Variants in CUL7 observed in about 807,000 individuals in gnomAD.
The protein encoded by CUL7 is cullin-7.
CUL7 carries 96 observed loss-of-function variants against 177.7 expected under a neutral mutation model. The ratio of observed to expected loss-of-function variants is 0.54; its 90% confidence interval spans 0.46 to 0.64. The LOEUF is 0.64. Among genes scored for constraint, CUL7 ranks in the 30% least tolerant of loss-of-function variants. CUL7 has a pLI of 0.00. For missense variants in CUL7, 1,893 were observed against 2,187.9 expected, an observed-to-expected ratio of 0.87 and a Z score of 2.69; for synonymous variants, 824 against 890.2, an observed-to-expected ratio of 0.93 and a Z score of 1.32.
intron 6 of CUL7, 96 bp from the exon 7 acceptor site, chr6:43,049,758 C>A (rs913988160): frequency 1.3e-6 from 2 of 1,521,316 alleles, no homozygotes; most frequent in South Asian, 1.2e-5. Context: ...TGCACACATA[C>A]CCTCCATCCT....
Position 43,046,293 on chromosome 6 carries a change from T to A in CUL7, c.2603A>T (p.Asn868Ile). 6.2e-7 allele frequency: 1 copy of A among 1,614,198 alleles called. No homozygotes were observed. The highest frequency in any genetic ancestry group is 8.5e-7 in the Non-Finnish European group (1 of 1,180,036). ...GATGTAGTGGGAGCCGGCGCTGCCG[T>A]TGGACTCCCAATAGGTCTTGGGGTT... Reference protein sequence around the residue: ...DHNPKTYWESNGSAGSHYITL... With the variant: ...DHNPKTYWESIGSAGSHYITL... The change falls in exon 12 of 26, where the codon AAC becomes ATC. Residue 868 changes from asparagine to isoleucine, a missense_variant. By Grantham distance (149) the Asn-to-Ile change is moderately radical (BLOSUM62 -3). Transcript: ENST00000265348.
At chr6:43,049,749 G>T in intron 6 of CUL7, 87 bp from the exon 7 acceptor site, 1 of 1,539,324 alleles carries the variant, frequency 6.5e-7, no homozygotes. Flanking sequence ...GGGTCTCTCT[G>T]CACACATACC....
At chr6:43,041,926 C>T (rs529493432) in intron 19 of CUL7, among the ~76,000 whole-genome samples, 5 of 149,672 alleles carry the variant, frequency 3.3e-5, no homozygotes, top group African/African-American at 9.8e-5. Flanking sequence ...ATCGCTTGAA[C>T]CTGGGAGGCG....
chr6:43,042,932 T>C lies in CUL7; in HGVS notation c.3515A>G (p.Tyr1172Cys), dbSNP rs776754610. The C allele has an allele frequency of 1.9e-6, 3 of 1,614,144 alleles. No individual in the cohort carries two copies. The highest frequency in any genetic ancestry group is 1.7e-5 in the Admixed American group (1 of 60,028). ...CTGCAGAATATTAAAGTGCTCACAG[T>C]AGCGTGGCACAAAGTCATCATCCCG... Reference protein sequence around the residue: ...SWRDDDFVPRYCEHFNILQNS... With the variant: ...SWRDDDFVPRCCEHFNILQNS... Residue 1172 changes from tyrosine to cysteine, a missense_variant, in exon 19 of 26, where the codon TAC becomes TGC. Around this residue, in one of 5 missense-constraint regions of CUL7, gnomAD observed 973 missense variants for 1,140.9 expected, o/e 0.85. Transcript: ENST00000265348.
In CUL7 at chr6:43,043,280, G is replaced by T; in HGVS notation, c.3356-100C>A. On this transcript the variant is annotated intron_variant, in intron 17 of 25. Transcript: ENST00000265348. This position sits in a 1 kb window ranked among gnomAD's most constrained non-coding sequence, Gnocchi z 4.2. ...TCCCTGAGGCCTTTCCTGACATGCT[G>T]CCACCCAAAATGATGTTCATGGATG... 2 of 1,210,262 alleles carry T rather than the reference G, an allele frequency of 1.7e-6. No homozygotes were observed. Among genetic ancestry groups the T allele is most frequent in the Non-Finnish European group, 1.2e-6 (1 of 831,704 alleles). 75.0% of individuals were successfully genotyped at this position (1,210,262 alleles called of 1,614,324 possible). A position where few individuals can be genotyped will look rare whatever the true frequency, so the allele number is the denominator to read the frequency against.
chr6:43,048,187 G>GGCA lies in CUL7; in HGVS notation c.2127_2129dup (p.Ala710dup), dbSNP rs778027659. On this transcript the variant is annotated inframe_insertion, in exon 9 of 26. Transcript: ENST00000265348. Reference sequence around the variant, plus strand: ...TTGGGGACCGCAGGCAGGCCATGCAGGCATCCACGGCCTCGTGCCAGGGGA... The same window carrying GGCA: ...TTGGGGACCGCAGGCAGGCCATGCAGGCAGCATCCACGGCCTCGTGCCAGGGGA... 16 of 1,613,050 alleles carry GGCA rather than the reference G, an allele frequency of 9.9e-6. No homozygotes were observed. In the African/African-American group the frequency reaches 2.1e-4, roughly 22 times the overall value.
chr6:43,043,968 G>A lies in CUL7; in HGVS notation c.3173-338C>T, dbSNP rs190449070. 4.6e-5 allele frequency among the ~76,000 whole-genome samples: 7 copies of A among 151,950 alleles called. No individual in the cohort carries two copies. Among genetic ancestry groups the A allele is most frequent in the Admixed American group, 3.9e-4 (6 of 15,258 alleles). ...TGAGGTGGGTGGATCACCTGAGGTC[G>A]GGAGTTCGAGATCAGCCTGACCAAC... On this transcript the variant is annotated intron_variant, in intron 16 of 25. Transcript: ENST00000265348. This position sits in a 1 kb window ranked among gnomAD's most constrained non-coding sequence, Gnocchi z 4.2.
Position 43,053,598 on chromosome 6 carries a change from G to A in CUL7, c.-9+24C>T. 4 of 1,333,856 alleles carry A rather than the reference G, an allele frequency of 3.0e-6. No individual in the cohort carries two copies. Among genetic ancestry groups the A allele is most frequent in the Middle Eastern group, 2.8e-4 (1 of 3,572 alleles). The allele number at this position is 1,333,856 out of a possible 1,614,324, so 82.6% of individuals were successfully genotyped here. ...TAGTGGGCAGGGAAGGAGAAGCAAG[G>A]GGCCGCGGTGGGGCTCTGGCCACCT... is the stretch of plus-strand genomic sequence containing the variant. On this transcript the variant is annotated intron_variant, in intron 1 of 25. Transcript: ENST00000265348. The surrounding 1 kb of genome is among the most constrained non-coding windows in gnomAD (Gnocchi z 4.1).
rs777038368 is a variant in CUL7, at chr6:43,046,046, C to T, written c.2706G>A (p.Pro902=). 2.4e-5 allele frequency: 38 copies of T among 1,614,014 alleles called. No homozygotes were observed. The Admixed American group carries it at 3.0e-4, about 13-fold the overall frequency. Residue 902 remains proline (P), a synonymous_variant, in exon 13 of 26, where the codon CCG becomes CCA. Coordinates refer to ENST00000265348, the MANE Select transcript of CUL7 (RefSeq NM_014780.5). ...LVASEDSSYM[P]ARVVVCGGDS... ...CACCCCCGCACACCACCACTCGGGC[C>T]GGCATGTAACTCGAGTCCTCACTAG...
chr6:43,045,617 G>C lies in CUL7; in HGVS notation c.2832C>G (p.Ile944Met). ...LLENLTRFWPIIQIRIKRCQQ... is the reference protein window; with the variant it reads ...LLENLTRFWPMIQIRIKRCQQ... ...GGCAGCGCTTTATGCGGATCTGGATGATGGGCCAGAAGCGGGTCAGGTTCT... is the reference window on the plus strand; with the variant it reads ...GGCAGCGCTTTATGCGGATCTGGATCATGGGCCAGAAGCGGGTCAGGTTCT... Residue 944 changes from isoleucine (I) to methionine (M), a missense_variant, in exon 14 of 26, where the codon ATC becomes ATG. Physicochemically the swap from Ile to Met is conservative, Grantham distance 10 (BLOSUM62 1). Transcript: ENST00000265348. This position sits in a 1 kb window ranked among gnomAD's most constrained non-coding sequence, Gnocchi z 4.8. The C allele has an allele frequency of 6.2e-7, 1 of 1,614,230 alleles. No homozygotes were observed. The highest frequency in any genetic ancestry group is 8.5e-7 in the Non-Finnish European group (1 of 1,180,050).
chr6:43,051,453 G>C lies in CUL7; in HGVS notation c.748C>G (p.Leu250Val), dbSNP rs1265275617. Residue 250 changes from leucine (L) to valine (V), a missense_variant, in exon 4 of 26, where the codon CTC becomes GTC. Leu to Val is a conservative substitution (Grantham distance 32). Coordinates refer to ENST00000265348, the MANE Select transcript of CUL7 (RefSeq NM_014780.5). The surrounding 1 kb of genome is among the most constrained non-coding windows in gnomAD (Gnocchi z 5.0). ...IQLPQVPGRV[L>V]FSLVKRYLHV... ...AAATACCGCTTCACCAGGGAGAAGA[G>C]CACCCTTCCTGGGACCTGTGGGATA... The C allele has an allele frequency of 6.2e-7, 1 of 1,613,878 alleles. No individual in the cohort carries two copies. Among genetic ancestry groups the C allele is most frequent in the Non-Finnish European group, 8.5e-7 (1 of 1,180,028 alleles).
At chr6:43,038,180 T>C in intron 25 of CUL7, 87 bp downstream of exon 25, 3 of 1,531,666 alleles carry the variant, frequency 2.0e-6, no homozygotes, top group Non-Finnish European at 2.7e-6. Context: ...ACCAGGTGCC[T>C]CACCACACGT....
chr6:43,038,458 G>A lies in CUL7; in HGVS notation c.4582C>T (p.Arg1528Ter), dbSNP rs762714074. The A allele has an allele frequency of 3.7e-6, 6 of 1,614,006 alleles. No individual in the cohort carries two copies. Among genetic ancestry groups the A allele is most frequent in the East Asian group, 2.2e-5 (1 of 44,892 alleles). The change falls in exon 25 of 26, where the codon CGA becomes TGA. Residue 1528 changes from arginine (R) to a stop codon, truncating the protein, a stop_gained. Transcript: ENST00000265348. LOFTEE classifies it high-confidence loss of function. ...KDIPGGVLKI[R>*]DGSKEPRSRW... ...GACCTGGGTTCCTTGCTGCCATCTC[G>A]AATCTTGAGGACCCCTGAAATAAAT...
At chr6:43,041,634 A>G (rs1013958363) in intron 19 of CUL7, among the ~76,000 whole-genome samples, 1 of 151,510 alleles carries the variant, frequency 6.6e-6, no homozygotes, top group Non-Finnish European at 1.5e-5. Context: ...AAAGGGAGAG[A>G]AAGAAAAAGA....
In CUL7 at chr6:43,046,517, A is replaced by G. The variant is rs1468699933; in HGVS notation, c.2482T>C (p.Cys828Arg). ...PFFDVFLRYL[C>R]QGSSVEVKED... ...CACGGCAACAGGCACGAACCCTGGCACAGGTATCTGAGGAACACATCAAAG... is the reference window on the plus strand; with the variant it reads ...CACGGCAACAGGCACGAACCCTGGCGCAGGTATCTGAGGAACACATCAAAG... Residue 828 changes from cysteine (C) to arginine (R), a missense_variant, in exon 11 of 26, where the codon TGC (cysteine) becomes CGC (arginine). Cys to Arg is a radical substitution (Grantham distance 180). This residue lies in a region of CUL7 where 973 missense variants were observed against 1,140.9 expected (regional missense o/e 0.85). Transcript: ENST00000265348. 4 of 1,614,064 alleles carry G rather than the reference A, an allele frequency of 2.5e-6. No individual in the cohort carries two copies. Among genetic ancestry groups the G allele is most frequent in the Non-Finnish European group, 3.4e-6 (4 of 1,180,038 alleles).
Position 43,043,061 on chromosome 6 carries a change from T to C in CUL7, c.3462+13A>G. ...TGGTGTCCCCTCTCTCCCGCAGGCC[T>C]GCTCCTGCCCACCTGCTTCTCCACC... On this transcript the variant is annotated intron_variant, in intron 18 of 25. Coordinates refer to ENST00000265348, the MANE Select transcript of CUL7 (RefSeq NM_014780.5). The surrounding 1 kb of genome is among the most constrained non-coding windows in gnomAD (Gnocchi z 4.2). 1.9e-6 allele frequency: 3 copies of C among 1,613,572 alleles called. No homozygotes were observed. Among genetic ancestry groups the C allele is most frequent in the Non-Finnish European group, 1.7e-6 (2 of 1,179,482 alleles).
Position 43,053,404 on chromosome 6 carries a change from G to A in CUL7, c.-9+218C>T, listed in dbSNP as rs1367974100. On this transcript the variant is annotated intron_variant, in intron 1 of 25. Transcript: ENST00000265348. This position sits in a 1 kb window ranked among gnomAD's most constrained non-coding sequence, Gnocchi z 4.1. Reference sequence around the variant, plus strand: ...TGGTGAGGGCGCCGCGAGACCCAGGGCAGGGTGCACAGACCAGGTAGGCGA... The same window carrying A: ...TGGTGAGGGCGCCGCGAGACCCAGGACAGGGTGCACAGACCAGGTAGGCGA... Among the ~76,000 whole-genome samples the A allele has an allele frequency of 6.6e-6, 1 of 152,134 alleles. No individual in the cohort carries two copies. Among genetic ancestry groups the A allele is most frequent in the African/African-American group, 2.4e-5 (1 of 41,424 alleles).
Position 43,040,700 on chromosome 6 carries a change from C to T in CUL7, c.3853G>A (p.Glu1285Lys). The change falls in exon 21 of 26, where the codon GAG (glutamate) becomes AAG (lysine). Residue 1285 changes from glutamate to lysine, a missense_variant. Transcript: ENST00000265348. The surrounding 1 kb of genome is among the most constrained non-coding windows in gnomAD (Gnocchi z 4.2). The stretch of plus-strand genomic sequence containing the variant: ...CCGATCTGCTCCAGCACGGCCCCCT[C>T]CAGCCAGCTCGAGACCACGCCCAGG... ...RLLGVVSSWL[E>K]GAVLEQIGPC... The T allele has an allele frequency of 1.2e-6, 2 of 1,614,178 alleles. No homozygotes were observed. The highest frequency in any genetic ancestry group is 1.1e-5 in the South Asian group (1 of 91,076).
chr6:43,039,417 G>A (rs937363212), intron 22 of CUL7, among the ~76,000 whole-genome samples: 4 of 152,184 alleles, frequency 2.6e-5, no homozygotes, highest in Admixed American at 6.5e-5. Context: ...ATCAGCCCCC[G>A]ATGGGGAGTT....
Sources: allele counts gnomAD v4.1 joint callset (sites outside exome capture counted in the v4.1 genomes callset), GRCh38; gene constraint gnomAD v4.1.1; regional missense constraint gnomAD v4.1.1; non-coding constraint Gnocchi (gnomAD v3.1); transcripts MANE v1.5; gene names NCBI Gene and HGNC (gene_info 2026-07-23, HGNC 2026-07-21).